WNT2: variants seen among roughly 807,000 people sequenced by gnomAD.
WNT2 encodes the protein Wnt family member 2, also known as protein Wnt-2.
Under a neutral mutation model 36.9 loss-of-function variants are expected in WNT2, and 12 were observed. The observed-to-expected ratio is 0.33, with a 90% confidence interval of 0.21 to 0.53. The LOEUF is 0.53. Among genes scored for constraint, WNT2 ranks in the 20% least tolerant of loss-of-function variants. The pLI, the probability that WNT2 is intolerant of heterozygous loss-of-function variation, is 0.95. For synonymous variants in WNT2, 163 were observed against 174.6 expected, an observed-to-expected ratio of 0.93 and a Z score of 0.52; for missense variants, 379 against 473.1, an observed-to-expected ratio of 0.80 and a Z score of 1.84.
rs553138730 is a variant in WNT2 at position 117,292,716 on chromosome 7, A to G, written c.853+4896T>C. 2.0e-5 allele frequency among the ~76,000 whole-genome samples: 3 copies of G among 152,330 alleles called. No homozygotes were observed. In the South Asian group the frequency reaches 6.2e-4, roughly 32 times the overall value. ...AAATAATTTTGTTTATTTGCAGTCA[A>G]AGAGGGTTCCTGAGGATGCTGGCCT... On this transcript the variant is annotated intron_variant, in intron 4 of 4. Coordinates refer to ENST00000265441, the MANE Select transcript of WNT2 (RefSeq NM_003391.3).
chr7:117,297,660 C>A lies in WNT2; in HGVS notation c.805G>T (p.Val269Leu), dbSNP rs752494888. 1.2e-6 allele frequency: 2 copies of A among 1,614,094 alleles called. No individual in the cohort carries two copies. The highest frequency in any genetic ancestry group is 1.1e-5 in the South Asian group (1 of 91,088). Residue 269 changes from valine (V) to leucine (L), a missense_variant, in exon 4 of 5, where the codon GTG becomes TTG. Physicochemically the swap from Val to Leu is conservative, Grantham distance 32. Coordinates refer to ENST00000265441, the MANE Select transcript of WNT2 (RefSeq NM_003391.3). ...RFKKPTKNDLVYFENSPDYCI... is the reference protein window; with the variant it reads ...RFKKPTKNDLLYFENSPDYCI... ...TAGTCTGGAGAATTCTCAAAATACA[C>A]GAGGTCATTTTTCGTTGGCTTCTTA...
rs775608750 is a variant in WNT2 at position 117,321,781 on chromosome 7, T to C, written c.84-988A>G. On this transcript the variant is annotated intron_variant, in intron 1 of 4. Coordinates refer to ENST00000265441, the MANE Select transcript of WNT2 (RefSeq NM_003391.3). ...CATGGAAACAGAAATAGTCATTTTA[T>C]TGAAAAATGGTCAGTCTGATAAATC... is the stretch of plus-strand genomic sequence containing the variant. Among the ~76,000 whole-genome samples the C allele has an allele frequency of 9.8e-5, 15 of 152,346 alleles. 1 individual carries two copies. Among genetic ancestry groups the C allele is most frequent in the South Asian group, 4.1e-4 (2 of 4,832 alleles).
chr7:117,305,629 A>G (rs1374075896), intron 3 of WNT2, among the ~76,000 whole-genome samples: 1 of 152,182 alleles, frequency 6.6e-6, no homozygotes, highest in Non-Finnish European at 1.5e-5. Context: ...GGGCTTGTGG[A>G]CCAAAAAATA....
At chr7:117,318,430 G>T (rs1043669984) in intron 2 of WNT2, among the ~76,000 whole-genome samples, 3 of 152,226 alleles carry the variant, frequency 2.0e-5, no homozygotes, top group Admixed American at 6.5e-5. Context: ...GAAAGAAATT[G>T]TGTAGCATGA....
rs186918045 is a variant in WNT2, at chr7:117,284,155, C to T, written c.854-5771G>A. ...CTTGCTGTCATTTTAGCAGAACATACAGCCATTTCATAGAAACCCTGAAAA... is the reference window on the plus strand; with the variant it reads ...CTTGCTGTCATTTTAGCAGAACATATAGCCATTTCATAGAAACCCTGAAAA... On this transcript the variant is annotated intron_variant, in intron 4 of 4. Transcript: ENST00000265441. The surrounding 1 kb of genome is among the most constrained non-coding windows in gnomAD (Gnocchi z 5.2). Among the ~76,000 whole-genome samples, 726 of 152,348 alleles carry T rather than the reference C, an allele frequency of 4.8e-3. 15 individuals are homozygous for T. The highest frequency in any genetic ancestry group is 0.045 in the Admixed American group (688 of 15,306).
chr7:117,305,611 T>C (rs1340142845), intron 3 of WNT2, among the ~76,000 whole-genome samples: 1 of 152,200 alleles, frequency 6.6e-6, no homozygotes, highest in Non-Finnish European at 1.5e-5. Context: ...ACTCTGGTTG[T>C]AGAGGTGGGG....
intron 3 of WNT2, among the ~76,000 whole-genome samples, chr7:117,309,451 C>T: frequency 6.6e-6 from 1 of 152,098 alleles, no homozygotes. Flanking sequence ...TGAGCTTCTC[C>T]ATAGAAAATA....
intron 3 of WNT2, among the ~76,000 whole-genome samples, chr7:117,312,689 A>G (rs1413834528): frequency 1.3e-5 from 2 of 152,236 alleles, no homozygotes; most frequent in African/African-American, 2.4e-5. Context: ...ATTTAAGTAA[A>G]CATGAAAGAA....
At chr7:117,289,150 C>T (rs1308706010) in intron 4 of WNT2, among the ~76,000 whole-genome samples, 1 of 148,140 alleles carries the variant, frequency 6.8e-6, no homozygotes, top group Non-Finnish European at 1.5e-5. Flanking sequence ...AGCTCTGCCT[C>T]CCAGGTTCAC....
At position 117,297,737 on chromosome 7, in the gene WNT2, T is replaced by A. The variant is rs571996553; in HGVS notation, c.728A>T (p.Gln243Leu). The A allele has an allele frequency of 3.7e-6, 6 of 1,614,200 alleles. 1 individual carries two copies. In the South Asian group the frequency reaches 6.6e-5, roughly 18 times the overall value. ...YLWRKYNGAI[Q>L]VVMNQDGTGF... Reference sequence around the variant, plus strand: ...TGTGCCATCCTGGTTCATGACCACCTGGATGGCCCCATTGTACTTCCTCCA... The same window carrying A: ...TGTGCCATCCTGGTTCATGACCACCAGGATGGCCCCATTGTACTTCCTCCA... Residue 243 changes from glutamine (Q) to leucine (L), a missense_variant, in exon 4 of 5, where the codon CAG (glutamine) becomes CTG (leucine). Gln to Leu is a moderately radical substitution (Grantham distance 113). Transcript: ENST00000265441.
rs1794385487 is a variant in WNT2, at chr7:117,276,693, CA to C, written c.*1461del. On this transcript the variant is annotated 3_prime_UTR_variant, in exon 5 of 5. Coordinates refer to ENST00000265441, the MANE Select transcript of WNT2 (RefSeq NM_003391.3). ...TGTAGCACTGTAAGGAAGTCATATA[CA>C]GAATAAGAACCAAATTTTTCAAGAA... 6.6e-6 allele frequency: 1 copy of C among 152,154 alleles called. No individual in the cohort carries two copies. The allele number at this position is 152,154 out of a possible 1,614,324, so 9.4% of individuals were successfully genotyped here.
intron 3 of WNT2, among the ~76,000 whole-genome samples, chr7:117,299,397 T>G (rs1023431758): frequency 2.6e-5 from 4 of 152,344 alleles, no homozygotes; most frequent in Non-Finnish European, 5.9e-5. Flanking sequence ...TCTTCCAAGT[T>G]TATTCTTTTT....
chr7:117,283,058 G>T (rs1794518229), intron 4 of WNT2, among the ~76,000 whole-genome samples: 2 of 152,168 alleles, frequency 1.3e-5, no homozygotes. Flanking sequence ...ACTTGGTTAG[G>T]GGTCAGCTTA....
rs781574892 is a variant in WNT2, at chr7:117,323,030, C to CG, written c.-42dup. Reference sequence around the variant, plus strand: ...TCTGCATCAGGTCAGACTCCGTGTGCGGGCGCCATGCGTGCCCAGAGCAGA... The same window carrying CG: ...TCTGCATCAGGTCAGACTCCGTGTGCGGGGCGCCATGCGTGCCCAGAGCAGA... On this transcript the variant is annotated 5_prime_UTR_variant, in exon 1 of 5. The change abolishes the stop of an existing upstream ORF in the 5' untranslated region. Coordinates refer to ENST00000265441, the MANE Select transcript of WNT2 (RefSeq NM_003391.3). 1.3e-6 allele frequency: 2 copies of CG among 1,558,922 alleles called. No homozygotes were observed. Among genetic ancestry groups the CG allele is most frequent in the Non-Finnish European group, 1.7e-6 (2 of 1,149,692 alleles).
rs1449199103 is a variant in WNT2 at position 117,297,768 on chromosome 7, A to G, written c.697T>C (p.Tyr233His). 1 of 1,614,126 alleles carries G rather than the reference A, an allele frequency of 6.2e-7. No individual in the cohort carries two copies. Among genetic ancestry groups the G allele is most frequent in the South Asian group, 1.1e-5 (1 of 91,074 alleles). The change falls in exon 4 of 5, where the codon TAT becomes CAT. Residue 233 changes from tyrosine (Y) to histidine (H), a missense_variant. Tyr to His is a moderately conservative substitution (Grantham distance 83). Transcript: ENST00000265441. ...AMADFRKTGD[Y>H]LWRKYNGAIQ... ...GCCCCATTGTACTTCCTCCAGAGATAATCGCCCGTTTTCCTGAAGTCGGCC... is the reference window on the plus strand; with the variant it reads ...GCCCCATTGTACTTCCTCCAGAGATGATCGCCCGTTTTCCTGAAGTCGGCC...
At chr7:117,310,409 C>A (rs1326422105) in intron 3 of WNT2, among the ~76,000 whole-genome samples, 10 of 151,510 alleles carry the variant, frequency 6.6e-5, no homozygotes, top group Non-Finnish European at 1.3e-4. Flanking sequence ...TACCAAAAAA[C>A]AAACAAACAA....
At chr7:117,291,655 G>A (rs943390383) in intron 4 of WNT2, among the ~76,000 whole-genome samples, 3 of 152,186 alleles carry the variant, frequency 2.0e-5, no homozygotes, top group Admixed American at 1.3e-4. Context: ...TGCATGGGGC[G>A]AGTAATTATA....
rs1056095925 is a variant in WNT2 at position 117,322,828 on chromosome 7, A to G, written c.83+79T>C. 4.1e-6 allele frequency: 6 copies of G among 1,459,418 alleles called. No homozygotes were observed. Among genetic ancestry groups the G allele is most frequent in the African/African-American group, 2.8e-5 (2 of 71,734 alleles). The allele number at this position is 1,459,418 out of a possible 1,614,324, so 90.4% of individuals were successfully genotyped here. A position where few individuals can be genotyped will look rare whatever the true frequency, so the allele number is the denominator to read the frequency against. On this transcript the variant is annotated intron_variant, in intron 1 of 4. Transcript: ENST00000265441. This position sits in a 1 kb window ranked among gnomAD's most constrained non-coding sequence, Gnocchi z 5.4. ...GACTGCTGCGGCCGCGGGGGAACGC[A>G]GCCAGGAAGGGTCTATGTGGCCAAT...
chr7:117,318,371 A>G (rs893048169), intron 2 of WNT2, among the ~76,000 whole-genome samples: 2 of 152,230 alleles, frequency 1.3e-5, no homozygotes, highest in Admixed American at 1.3e-4. Context: ...GACAGTCACA[A>G]GAGTTTGCAT....
Sources: allele counts gnomAD v4.1 joint callset (sites outside exome capture counted in the v4.1 genomes callset), GRCh38; gene constraint gnomAD v4.1.1; non-coding constraint Gnocchi (gnomAD v3.1); transcripts MANE v1.5; gene names NCBI Gene and HGNC (gene_info 2026-07-23, HGNC 2026-07-21).